The following CNTN3 variants were observed in gnomAD, a reference collection of about 807,000 sequenced individuals.
CNTN3 encodes the protein contactin-3.
A neutral mutation model predicts 119.1 loss-of-function variants in CNTN3; 60 were observed. The ratio of observed to expected loss-of-function variants is 0.50; its 90% CI spans 0.41 to 0.62. The LOEUF is 0.62. CNTN3 is among the 20% of genes least tolerant of loss of function. CNTN3 has a pLI of 0.00. For missense variants in CNTN3, 1,101 were observed against 1,242.4 expected, an observed-to-expected ratio of 0.89 and a Z score of 1.71; for synonymous variants, 450 against 438.7, an observed-to-expected ratio of 1.03 and a Z score of -0.32.
intron 13 of CNTN3, among the ~76,000 whole-genome samples, chr3:74,309,049 A>C (rs1472070637): frequency 1.3e-5 from 2 of 152,152 alleles, no homozygotes; most frequent in Non-Finnish European, 2.9e-5. Flanking sequence ...GTATTAGAAA[A>C]TAGCTAATGA....
chr3:74,378,774 G>A (rs1181105448), intron 5 of CNTN3, among the ~76,000 whole-genome samples: 3 of 152,148 alleles, frequency 2.0e-5, no homozygotes, highest in Non-Finnish European at 2.9e-5. Context: ...CCTTGTCCTA[G>A]GCCAGTGATA....
At chr3:74,441,124 TTA>T (rs1701956389) in intron 4 of CNTN3, among the ~76,000 whole-genome samples, 1 of 152,130 alleles carries the variant, frequency 6.6e-6, no homozygotes, top group African/African-American at 2.4e-5. Flanking sequence ...ATAATTAAAA[TTA>T]TATGTTTTAA....
At chr3:74,485,305 A>T in intron 4 of CNTN3, among the ~76,000 whole-genome samples, 1 of 152,122 alleles carries the variant, frequency 6.6e-6, no homozygotes, top group East Asian at 1.9e-4. Flanking sequence ...AGAGAAATAT[A>T]TACAAAGTAC....
At chr3:74,551,499 A>T (rs1703989478) in intron 1 of CNTN3, among the ~76,000 whole-genome samples, 1 of 151,998 alleles carries the variant, frequency 6.6e-6, no homozygotes, top group Non-Finnish European at 1.5e-5. Flanking sequence ...CAAAGTTCAT[A>T]GTTTACATTA....
intron 11 of CNTN3, among the ~76,000 whole-genome samples, chr3:74,352,128 G>T (rs910719295): frequency 6.6e-6 from 1 of 152,106 alleles, no homozygotes; most frequent in Non-Finnish European, 1.5e-5. Context: ...TTATTTTCAC[G>T]ATCATATGTG....
intron 13 of CNTN3, among the ~76,000 whole-genome samples, chr3:74,323,388 A>T (rs1703044303): frequency 6.6e-6 from 1 of 152,242 alleles, no homozygotes; most frequent in Non-Finnish European, 1.5e-5. Context: ...TGTCCAGAAT[A>T]TGCAAATAGG....
At chr3:74,403,322 G>A (rs1705244494) in intron 5 of CNTN3, among the ~76,000 whole-genome samples, 1 of 152,110 alleles carries the variant, frequency 6.6e-6, no homozygotes, top group African/African-American at 2.4e-5. Context: ...GAAGAATAGA[G>A]CTCATGTGAT....
At chr3:74,404,414 A>G (rs1705272637) in intron 5 of CNTN3, among the ~76,000 whole-genome samples, 1 of 152,122 alleles carries the variant, frequency 6.6e-6, no homozygotes, top group Non-Finnish European at 1.5e-5. Flanking sequence ...ACTCTGGTTT[A>G]TCTAATTCGG....
intron 1 of CNTN3, among the ~76,000 whole-genome samples, chr3:74,598,824 G>A (rs985192572): frequency 6.6e-5 from 10 of 152,014 alleles, no homozygotes; most frequent in Non-Finnish European, 1.0e-4. Flanking sequence ...TCCAGGTAGT[G>A]TGCTGGGCAC....
intron 5 of CNTN3, among the ~76,000 whole-genome samples, chr3:74,387,906 A>C (rs994610909): frequency 6.6e-6 from 1 of 152,238 alleles, no homozygotes; most frequent in South Asian, 2.1e-4. Context: ...AAAGAAACTT[A>C]ATTTATATTT....
At chr3:74,381,670 T>A (rs1193843990) in intron 5 of CNTN3, among the ~76,000 whole-genome samples, 1 of 152,208 alleles carries the variant, frequency 6.6e-6, no homozygotes, top group Non-Finnish European at 1.5e-5. Context: ...CCAATCCTTG[T>A]CTATCTTGGC....
intron 1 of CNTN3, among the ~76,000 whole-genome samples, chr3:74,537,520 C>T (rs1227614736): frequency 6.6e-6 from 1 of 152,134 alleles, no homozygotes; most frequent in Non-Finnish European, 1.5e-5. Flanking sequence ...AAATTCCAGT[C>T]CTAACTGTCA....
Position 74,293,224 on chromosome 3 carries a change from G to A in CNTN3, c.2517+1897C>T, listed in dbSNP as rs149410545. Among the ~76,000 whole-genome samples, 3 of 152,198 alleles carry A rather than the reference G, an allele frequency of 2.0e-5. No homozygotes were observed. The East Asian group carries it at 5.8e-4, about 29-fold the overall frequency. On this transcript the variant is annotated intron_variant, in intron 19 of 22. Coordinates refer to ENST00000263665, the MANE Select transcript of CNTN3 (RefSeq NM_020872.3). ...GAGCTCAATTTTAACAACACCTTCA[G>A]GTAATTCTGCTGTAGGGGGTTCACA...
chr3:74,399,269 T>G (rs1178784804), intron 5 of CNTN3, among the ~76,000 whole-genome samples: 1 of 152,152 alleles, frequency 6.6e-6, no homozygotes, highest in Non-Finnish European at 1.5e-5. Context: ...CCATTAGTTA[T>G]TTTTCCTGAT....
chr3:74,540,800 G>T (rs1703832471), intron 1 of CNTN3, among the ~76,000 whole-genome samples: 1 of 152,028 alleles, frequency 6.6e-6, no homozygotes, highest in African/African-American at 2.4e-5. Flanking sequence ...AAATTAGAAA[G>T]CCAAGTGTTC....
intron 1 of CNTN3, among the ~76,000 whole-genome samples, chr3:74,571,300 G>A (rs1278900205): frequency 1.3e-5 from 2 of 152,162 alleles, no homozygotes; most frequent in African/African-American, 4.8e-5. Context: ...GTTAGACATT[G>A]ACTCAGCTGG....
At chr3:74,373,064 C>T (rs1168544158) in intron 5 of CNTN3, among the ~76,000 whole-genome samples, 4 of 152,130 alleles carry the variant, frequency 2.6e-5, no homozygotes, top group Non-Finnish European at 5.9e-5. Flanking sequence ...TTAAATCATG[C>T]TGTCATATTG....
At chr3:74,449,472 G>A (rs1461213765) in intron 4 of CNTN3, among the ~76,000 whole-genome samples, 4 of 151,918 alleles carry the variant, frequency 2.6e-5, no homozygotes, top group Non-Finnish European at 5.9e-5. Context: ...ATAATCAGCT[G>A]GGAAACATGT....
chr3:74,560,976 T>C (rs904458118), intron 1 of CNTN3, among the ~76,000 whole-genome samples: 6 of 127,158 alleles, frequency 4.7e-5, no homozygotes, highest in African/African-American at 1.2e-4. Context: ...AATTGAACAA[T>C]GAGAACACTT....
Sources: gnomAD v4.1 joint callset for allele counts (sites outside exome capture counted in the v4.1 genomes callset) on GRCh38, gnomAD v4.1.1 for gene constraint, MANE v1.5 for transcripts, NCBI Gene and HGNC (gene_info 2026-07-23, HGNC 2026-07-21) for gene names.